The following ARHGAP25 variants were observed in gnomAD, a reference collection of about 807,000 sequenced individuals.
ARHGAP25 encodes the protein rho GTPase-activating protein 25.
ARHGAP25 carries 34 observed loss-of-function variants against 71.0 expected under a neutral mutation model. The ratio of observed to expected loss-of-function variants is 0.48; its 90% CI spans 0.36 to 0.64. ARHGAP25 has a LOEUF of 0.64. ARHGAP25 is among the 30% of genes least tolerant of loss of function. The probability of loss-of-function intolerance (pLI) is 0.00; values close to 1 mark genes in which losing one functional copy is unlikely to be tolerated. For synonymous variants in ARHGAP25, 282 were observed against 296.5 expected (o/e 0.95, Z 0.50); for missense variants, 706 against 805.1 (o/e 0.88, Z 1.49).
At chr2:68,776,414 C>T (rs1006423671) in intron 2 of ARHGAP25, among the ~76,000 whole-genome samples, 12 of 152,068 alleles carry the variant, frequency 7.9e-5, no homozygotes, top group African/African-American at 2.7e-4. Flanking sequence ...AAAAATAGAG[C>T]CAGAGGAGAC....
chr2:68,781,977 A>G (rs1345529647), intron 2 of ARHGAP25, among the ~76,000 whole-genome samples: 1 of 152,134 alleles, frequency 6.6e-6, no homozygotes, highest in Non-Finnish European at 1.5e-5. Context: ...ATTGGTGATG[A>G]CACCCTCTTA....
At position 68,775,440 on chromosome 2, in the gene ARHGAP25, T is replaced by C; in HGVS notation, c.261+20T>C. The C allele has an allele frequency of 6.2e-7, 1 of 1,614,058 alleles. No homozygotes were observed. Among genetic ancestry groups the C allele is most frequent in the South Asian group, 1.1e-5 (1 of 91,068 alleles). ...CCCCAGGTACCAGCCAGGCTGTTTGTCCCGTTCATAAGGCACGGAGGAGGC... is the reference window on the plus strand; with the variant it reads ...CCCCAGGTACCAGCCAGGCTGTTTGCCCCGTTCATAAGGCACGGAGGAGGC... On this transcript the variant is annotated intron_variant, in intron 2 of 10. Transcript: ENST00000409202.
At chr2:68,732,784 G>C (rs1303158820), upstream of ARHGAP25, among the ~76,000 whole-genome samples, 1 of 152,188 alleles carries the variant, frequency 6.6e-6, no homozygotes, top group Non-Finnish European at 1.5e-5. Context: ...TGTGCGCAGA[G>C]GCGTTAAATG....
At chr2:68,731,641 G>A (rs1481075961), upstream of ARHGAP25, among the ~76,000 whole-genome samples, 2 of 151,906 alleles carry the variant, frequency 1.3e-5, no homozygotes, top group Admixed American at 1.3e-4. Flanking sequence ...TCTTAGGAGC[G>A]ACCTGAAGAA....
intron 1 of ARHGAP25, among the ~76,000 whole-genome samples, chr2:68,759,657 G>T (rs1053755662): frequency 6.6e-6 from 1 of 151,936 alleles, no homozygotes; most frequent in African/African-American, 2.4e-5. Context: ...TCTACCAAAC[G>T]TCTAAAGAAG....
Position 68,826,478 on chromosome 2 carries a change from G to A in ARHGAP25, c.*284G>A. 2.0e-6 allele frequency: 1 copy of A among 506,968 alleles called. No homozygotes were observed. Among genetic ancestry groups the A allele is most frequent in the Admixed American group, 2.7e-5 (1 of 36,372 alleles). The allele number at this position is 506,968 out of a possible 1,614,324, so 31.4% of individuals were successfully genotyped here. ...ACGTCCAGTGAAGACATTTGAGGCA[G>A]CACATCTCAGGACCCAGGCAATAGA... On this transcript the variant is annotated 3_prime_UTR_variant, in exon 11 of 11. Coordinates refer to ENST00000409202, the MANE Select transcript of ARHGAP25 (RefSeq NM_001007231.3).
At chr2:68,746,157 C>G (rs1168493279) in intron 1 of ARHGAP25, among the ~76,000 whole-genome samples, 3 of 152,108 alleles carry the variant, frequency 2.0e-5, no homozygotes, top group Non-Finnish European at 2.9e-5. Flanking sequence ...GCTTTTATGC[C>G]TACTTTTTAA....
At chr2:68,735,405 G>T (rs986618284) in intron 1 of ARHGAP25, 145 bp downstream of exon 1, 12 of 828,472 alleles carry the variant, frequency 1.4e-5, no homozygotes, top group Middle Eastern at 2.5e-4. Context: ...ATTTAAGTTG[G>T]CATGCCAGGT....
chr2:68,775,156 C>G, intron 1 of ARHGAP25, 65 bp from the exon 2 acceptor site: 1 of 1,613,352 alleles, frequency 6.2e-7, no homozygotes. Context: ...TCTCTCCTCT[C>G]CGCCCACTCT....
chr2:68,762,341 A>C (rs1311403962), intron 1 of ARHGAP25, among the ~76,000 whole-genome samples: 3 of 152,236 alleles, frequency 2.0e-5, no homozygotes, highest in Non-Finnish European at 4.4e-5. Context: ...AATGTACTTA[A>C]TACTACTGAA....
At chr2:68,784,883 G>GT (rs1245777951) in intron 3 of ARHGAP25, among the ~76,000 whole-genome samples, 1 of 152,212 alleles carries the variant, frequency 6.6e-6, no homozygotes, top group Non-Finnish European at 1.5e-5. Context: ...GAGAGAGAAG[G>GT]TGCTGGCTGA....
intron 1 of ARHGAP25, among the ~76,000 whole-genome samples, chr2:68,752,941 ATTC>A (rs1377944843): frequency 2.6e-5 from 4 of 152,144 alleles, no homozygotes; most frequent in African/African-American, 9.7e-5. Flanking sequence ...GATCCAGATA[ATTC>A]TTTATTGTTG....
intron 1 of ARHGAP25, chr2:68,774,897 C>T: frequency 7.4e-7 from 1 of 1,356,688 alleles, no homozygotes; most frequent in Non-Finnish European, 9.5e-7. Context: ...GATGCTGTGG[C>T]CACTTCCTCT....
intron 4 of ARHGAP25, among the ~76,000 whole-genome samples, chr2:68,793,356 T>C (rs543779498): frequency 6.6e-6 from 1 of 152,328 alleles, no homozygotes; most frequent in East Asian, 1.9e-4. Context: ...TAGACCAATG[T>C]CCAGAAGAGT....
At chr2:68,732,690 G>A (rs1396710306), upstream of ARHGAP25, among the ~76,000 whole-genome samples, 1 of 152,212 alleles carries the variant, frequency 6.6e-6, no homozygotes, top group Non-Finnish European at 1.5e-5. Flanking sequence ...CACTGCTGCT[G>A]AGGACTGGGT....
rs774772439 is a variant in ARHGAP25, at chr2:68,735,268, T to C, written c.61+8T>C. Reference sequence around the variant, plus strand: ...TGGAGGCTGCGAAAATAGGTATGGTTGGTGTCTTTTCGTTGCCTCTGTGAT... The same window carrying C: ...TGGAGGCTGCGAAAATAGGTATGGTCGGTGTCTTTTCGTTGCCTCTGTGAT... On this transcript the variant is annotated splice_region_variant and intron_variant, in intron 1 of 10. Transcript: ENST00000409202. The C allele has an allele frequency of 3.7e-6, 6 of 1,613,872 alleles. No homozygotes were observed. The South Asian group carries it at 4.4e-5, about 12-fold the overall frequency.
At chr2:68,768,777 G>T (rs1316671755) in intron 1 of ARHGAP25, among the ~76,000 whole-genome samples, 4 of 152,152 alleles carry the variant, frequency 2.6e-5, no homozygotes, top group African/African-American at 9.7e-5. Flanking sequence ...CTCTCGGGAA[G>T]CTTGAAGCTC....
intron 3 of ARHGAP25, among the ~76,000 whole-genome samples, chr2:68,783,615 C>T (rs185865577): frequency 2.1e-4 from 32 of 151,952 alleles, no homozygotes; most frequent in African/African-American, 7.0e-4. Context: ...AGGTGTGTGC[C>T]GCCATGCCCA....
At chr2:68,720,632 G>A (rs1674740567) in intron 2 of ARHGAP25, among the ~76,000 whole-genome samples, 1 of 152,138 alleles carries the variant, frequency 6.6e-6, no homozygotes, top group South Asian at 2.1e-4. Flanking sequence ...ATGTTTTGGG[G>A]CATTTGAAGG....
Sources: allele counts gnomAD v4.1 joint callset (sites outside exome capture counted in the v4.1 genomes callset), GRCh38; gene constraint gnomAD v4.1.1; transcripts MANE v1.5; gene names NCBI Gene and HGNC (gene_info 2026-07-23, HGNC 2026-07-21).